Variants in PLXNC1 observed in about 807,000 individuals in gnomAD.
PLXNC1 encodes the protein plexin-C1.
Under a neutral mutation model 178.2 loss-of-function variants are expected in PLXNC1, and 75 were observed. The ratio of observed to expected loss-of-function variants is 0.42; its 90% CI spans 0.35 to 0.51. The LOEUF is 0.51. Among genes scored for constraint, PLXNC1 ranks in the 20% least tolerant of loss-of-function variants. The pLI, the probability that PLXNC1 is intolerant of heterozygous loss-of-function variation, is 0.02. For missense variants in PLXNC1, 1,503 were observed against 1,984.4 expected, an observed-to-expected ratio of 0.76 and a Z score of 4.61; for synonymous variants, 790 against 779.9, an observed-to-expected ratio of 1.01 and a Z score of -0.22.
intron 6 of PLXNC1, 59 bp from the exon 7 acceptor site, chr12:94,224,169 G>C: frequency 1.0e-6 from 1 of 977,390 alleles, no homozygotes; most frequent in Non-Finnish European, 1.7e-6. Flanking sequence ...TGCATTTACA[G>C]CTATGCTTGA....
chr12:94,299,991 C>G (rs1413193200), intron 27 of PLXNC1, among the ~76,000 whole-genome samples: 1 of 152,146 alleles, frequency 6.6e-6, no homozygotes, highest in African/African-American at 2.4e-5. Flanking sequence ...GTTGGGAGAC[C>G]TAGCAGCATA....
chr12:94,242,264 C>T (rs1250187771), intron 11 of PLXNC1, among the ~76,000 whole-genome samples: 2 of 149,946 alleles, frequency 1.3e-5, no homozygotes. Context: ...TATGTCTTCA[C>T]GTGGTCTTCC....
chr12:94,187,769 G>A (rs1962572518), intron 4 of PLXNC1, among the ~76,000 whole-genome samples: 1 of 152,164 alleles, frequency 6.6e-6, no homozygotes, highest in African/African-American at 2.4e-5. Flanking sequence ...GGAGCTAGCG[G>A]CTAACGTATT....
At position 94,298,810 on chromosome 12, in the gene PLXNC1, G is replaced by C. The variant is rs773404375; in HGVS notation, c.4238+15G>C. On this transcript the variant is annotated intron_variant, in intron 27 of 30. Coordinates refer to ENST00000258526, the MANE Select transcript of PLXNC1 (RefSeq NM_005761.3). The stretch of plus-strand genomic sequence containing the variant: ...AAAACAAACAGGTGGGAATGTAGGT[G>C]ATTAGTGACTGTTTTCAAGAATCTG... 14 of 1,601,382 alleles carry C rather than the reference G, an allele frequency of 8.7e-6. No homozygotes were observed. The highest frequency in any genetic ancestry group is 7.7e-6 in the Non-Finnish European group (9 of 1,175,574).
At chr12:94,251,099 G>C (rs1480939744) in intron 14 of PLXNC1, among the ~76,000 whole-genome samples, 1 of 118,842 alleles carries the variant, frequency 8.4e-6, no homozygotes, top group African/African-American at 3.1e-5. Context: ...GCAGGCAGGG[G>C]CTTCTTGCCT....
chr12:94,169,485 A>C (rs1282808480), intron 2 of PLXNC1, among the ~76,000 whole-genome samples, 192 bp downstream of exon 2: 1 of 152,130 alleles, frequency 6.6e-6, no homozygotes, highest in Non-Finnish European at 1.5e-5. Flanking sequence ...GTAGCCATGT[A>C]ATGAAGTATC....
At chr12:94,226,743 G>A (rs761177507) in intron 8 of PLXNC1, 36 bp downstream of exon 8, 16 of 1,435,566 alleles carry the variant, frequency 1.1e-5, no homozygotes, top group South Asian at 2.3e-5. Context: ...AGTCTTAACC[G>A]CCGGGCATGG....
Position 94,265,255 on chromosome 12 carries a change from C to T in PLXNC1, c.3597+30C>T, listed in dbSNP as rs756839395. Reference sequence around the variant, plus strand: ...GTTTTCAATAAAGCTCCCAGCCAGACTCCCAAATAAATCTGGCGGGGAATT... The same window carrying T: ...GTTTTCAATAAAGCTCCCAGCCAGATTCCCAAATAAATCTGGCGGGGAATT... On this transcript the variant is annotated intron_variant, in intron 21 of 30. Transcript: ENST00000258526. 3.2e-6 allele frequency: 5 copies of T among 1,570,788 alleles called. No homozygotes were observed. The Admixed American group carries it at 8.7e-5, about 27-fold the overall frequency.
At chr12:94,226,561 T>A (rs1963944703) in intron 7 of PLXNC1, 44 bp from the exon 8 acceptor site, 2 of 1,314,572 alleles carry the variant, frequency 1.5e-6, no homozygotes, top group African/African-American at 2.9e-5. Flanking sequence ...GATGTGAACA[T>A]TGTCCTAAAA....
At chr12:94,201,797 C>G (rs1963134056) in intron 4 of PLXNC1, among the ~76,000 whole-genome samples, 2 of 108,378 alleles carry the variant, frequency 1.8e-5, no homozygotes, top group Non-Finnish European at 3.4e-5. Context: ...GAGACAGAGT[C>G]TTGCTCTGTC....
At chr12:94,235,841 G>C (rs1180131553) in intron 9 of PLXNC1, among the ~76,000 whole-genome samples, 1 of 152,186 alleles carries the variant, frequency 6.6e-6, no homozygotes, top group Non-Finnish European at 1.5e-5. Flanking sequence ...TAGCGGGCAG[G>C]ATCTGGCCCA....
At chr12:94,257,156 T>C (rs1964868781) in intron 17 of PLXNC1, among the ~76,000 whole-genome samples, 1 of 152,222 alleles carries the variant, frequency 6.6e-6, no homozygotes, top group African/African-American at 2.4e-5. Context: ...AGGCTGCAGA[T>C]AAGTCCTGGT....
intron 23 of PLXNC1, among the ~76,000 whole-genome samples, chr12:94,283,291 C>T (rs1435092168): frequency 6.6e-6 from 1 of 152,110 alleles, no homozygotes; most frequent in Non-Finnish European, 1.5e-5. Context: ...CCAGACTGGG[C>T]TAGGGTGCAG....
chr12:94,150,060 G>A (rs1017790808), intron 1 of PLXNC1, 27 bp downstream of exon 1: 1 of 1,525,938 alleles, frequency 6.6e-7, no homozygotes, highest in Admixed American at 2.1e-5. Flanking sequence ...GGGCGCCGCG[G>A]AGAGCGCTGC....
chr12:94,196,285 G>T (rs566516966), intron 4 of PLXNC1, among the ~76,000 whole-genome samples: 21 of 152,240 alleles, frequency 1.4e-4, no homozygotes, highest in Admixed American at 3.9e-4. Context: ...TCGGGTCATG[G>T]GAACGGATCC....
At chr12:94,265,946 G>A (rs1032347668) in intron 21 of PLXNC1, among the ~76,000 whole-genome samples, 1 of 152,176 alleles carries the variant, frequency 6.6e-6, no homozygotes, top group Non-Finnish European at 1.5e-5. Flanking sequence ...GGTAACTTTA[G>A]AATTAGGAAT....
intron 9 of PLXNC1, among the ~76,000 whole-genome samples, chr12:94,229,495 A>T (rs190085205): frequency 1.3e-5 from 2 of 152,120 alleles, no homozygotes; most frequent in Admixed American, 6.5e-5. Flanking sequence ...ATGTCATGAA[A>T]CTTTCTTTCT....
At chr12:94,165,118 G>A (rs914329286) in intron 1 of PLXNC1, among the ~76,000 whole-genome samples, 1 of 152,122 alleles carries the variant, frequency 6.6e-6, no homozygotes, top group Non-Finnish European at 1.5e-5. Flanking sequence ...CAACATTAGC[G>A]ATTATGCCCT....
intron 14 of PLXNC1, among the ~76,000 whole-genome samples, chr12:94,249,913 GA>G (rs763714788): frequency 8.4e-6 from 1 of 118,514 alleles, no homozygotes; most frequent in South Asian, 3.7e-4. Context: ...TTGCTATGGA[GA>G]AAAAAAGCAC....
Sources: gnomAD v4.1 joint callset for allele counts (sites outside exome capture counted in the v4.1 genomes callset) on GRCh38, gnomAD v4.1.1 for gene constraint, MANE v1.5 for transcripts, NCBI Gene and HGNC (gene_info 2026-07-23, HGNC 2026-07-21) for gene names.